Variants in SNTG1 observed in about 807,000 individuals in gnomAD.
SNTG1 encodes syntrophin gamma 1.
In SNTG1, 39 loss-of-function variants were observed where a neutral mutation model predicts 74.7. That is an observed-to-expected ratio of 0.52 (90% CI 0.40 to 0.68). SNTG1 has a LOEUF of 0.68. Ranked by LOEUF, SNTG1 falls within the 30% of genes least tolerant of loss-of-function variation. The pLI is 0.00. For synonymous variants in SNTG1, 254 were observed against 217.1 expected (o/e 1.17, Z -1.49); for missense variants, 685 against 609.5 (o/e 1.12, Z -1.30).
At chr8:49,942,680 T>A (rs775473898) in intron 1 of SNTG1, among the ~76,000 whole-genome samples, 5 of 152,192 alleles carry the variant, frequency 3.3e-5, no homozygotes, top group African/African-American at 4.8e-5. Context: ...AGATATTCTA[T>A]GGGATGTCCC....
At chr8:50,054,617 T>G (rs1350111647) in intron 1 of SNTG1, among the ~76,000 whole-genome samples, 4 of 152,112 alleles carry the variant, frequency 2.6e-5, no homozygotes, top group Non-Finnish European at 5.9e-5. Context: ...GTATACAATT[T>G]TTAACCTGGT....
chr8:50,792,244 AAT>A (rs1479188275), intron 18 of SNTG1, among the ~76,000 whole-genome samples: 1 of 151,846 alleles, frequency 6.6e-6, no homozygotes, highest in Non-Finnish European at 1.5e-5. Flanking sequence ...TCTTATGGCA[AAT>A]ATTAACTCAT....
intron 8 of SNTG1, among the ~76,000 whole-genome samples, chr8:50,500,181 T>C (rs932684938): frequency 6.6e-6 from 1 of 151,818 alleles, no homozygotes; most frequent in African/African-American, 2.4e-5. Flanking sequence ...CTATGACTCA[T>C]ATGATATGCA....
chr8:50,769,389 G>T (rs927716831), intron 18 of SNTG1, among the ~76,000 whole-genome samples: 1 of 151,792 alleles, frequency 6.6e-6, no homozygotes, highest in Non-Finnish European at 1.5e-5. Context: ...TTGAAAATCA[G>T]AATTTTAAAG....
intron 9 of SNTG1, among the ~76,000 whole-genome samples, chr8:50,506,980 T>A (rs558800123): frequency 6.6e-6 from 1 of 152,088 alleles, no homozygotes; most frequent in Non-Finnish European, 1.5e-5. Context: ...TATGTAGAGG[T>A]AATTTCCTTC....
chr8:50,196,322 A>G (rs1458310290), intron 2 of SNTG1, among the ~76,000 whole-genome samples: 2 of 152,196 alleles, frequency 1.3e-5, no homozygotes, highest in Non-Finnish European at 1.5e-5. Flanking sequence ...CTCAGAATTA[A>G]CAAGTACATG....
chr8:49,926,775 A>T (rs919694041), intron 1 of SNTG1, among the ~76,000 whole-genome samples: 5 of 152,162 alleles, frequency 3.3e-5, no homozygotes, highest in Non-Finnish European at 7.4e-5. Flanking sequence ...CTCCTCTGTG[A>T]AAGGCAATGT....
intron 1 of SNTG1, among the ~76,000 whole-genome samples, chr8:50,055,697 C>T (rs1322254188): frequency 6.6e-6 from 1 of 152,060 alleles, no homozygotes; most frequent in Non-Finnish European, 1.5e-5. Context: ...CATCTTTTCT[C>T]AGTACCTCTC....
At chr8:49,933,111 T>C (rs1807744857) in intron 1 of SNTG1, among the ~76,000 whole-genome samples, 1 of 152,198 alleles carries the variant, frequency 6.6e-6, no homozygotes, top group Non-Finnish European at 1.5e-5. Context: ...TGTGAACGTA[T>C]GTTTTCAATT....
At chr8:50,707,482 A>G (rs1404350586) in intron 16 of SNTG1, among the ~76,000 whole-genome samples, 2 of 152,122 alleles carry the variant, frequency 1.3e-5, no homozygotes, top group Non-Finnish European at 2.9e-5. Context: ...ATGTAACTCT[A>G]AAAGAATAAT....
chr8:50,172,834 T>C (rs1332757428), intron 2 of SNTG1, among the ~76,000 whole-genome samples, 199 bp downstream of exon 2: 2 of 152,024 alleles, frequency 1.3e-5, no homozygotes, highest in Non-Finnish European at 2.9e-5. Context: ...AGAACGTATC[T>C]CCATGTTTAG....
intron 4 of SNTG1, among the ~76,000 whole-genome samples, chr8:50,419,535 G>A (rs896888358): frequency 2.6e-5 from 4 of 152,142 alleles, no homozygotes; most frequent in African/African-American, 9.7e-5. Flanking sequence ...CAGTGATAAA[G>A]AAGCCATCGC....
rs1323160777 is a variant in SNTG1, at chr8:50,491,694, C to CTTACTTAT, written c.364-11081_364-11080insCTTATTTA. Among the ~76,000 whole-genome samples the CTTACTTAT allele has an allele frequency of 6.4e-4, 97 of 150,512 alleles. 2 individuals carry two copies. Among genetic ancestry groups the CTTACTTAT allele is most frequent in the Middle Eastern group, 3.4e-3 (1 of 294 alleles). On this transcript the variant is annotated intron_variant, in intron 8 of 18. Coordinates refer to ENST00000642720, the MANE Select transcript of SNTG1 (RefSeq NM_018967.5). ...GCAAATGCTGTGCTGTGATCCAGAA[C>CTTACTTAT]TTATTTATTTATTTATTTATTTATT...
chr8:50,381,558 ATGTGTG>A (rs372674229), intron 2 of SNTG1, among the ~76,000 whole-genome samples: 5,991 of 108,480 alleles, frequency 0.055, 232 homozygotes, highest in Non-Finnish European at 0.083. Context: ...CTAATAGGAT[ATGTGTG>A]TGTGTGTGTG....
At chr8:50,294,374 A>T (rs1390706222) in intron 2 of SNTG1, among the ~76,000 whole-genome samples, 1 of 152,208 alleles carries the variant, frequency 6.6e-6, no homozygotes, top group African/African-American at 2.4e-5. Flanking sequence ...CCTTTTAAAG[A>T]GAAACAGAAC....
Position 50,564,912 on chromosome 8 carries a change from G to A in SNTG1, c.810+11733G>A, listed in dbSNP as rs149850116. The stretch of plus-strand genomic sequence containing the variant: ...ATGTGTATAGCAATCTTCTTCCAGC[G>A]TTAAGAAGGGAAAGTGGAAAATATA... On this transcript the variant is annotated intron_variant, in intron 12 of 18. Transcript: ENST00000642720. 1.2e-3 allele frequency among the ~76,000 whole-genome samples: 181 copies of A among 152,074 alleles called. 1 individual carries two copies. The highest frequency in any genetic ancestry group is 3.4e-3 in the Middle Eastern group (1 of 294).
chr8:50,013,246 A>G (rs543045938), intron 1 of SNTG1, among the ~76,000 whole-genome samples: 27 of 152,244 alleles, frequency 1.8e-4, no homozygotes, highest in African/African-American at 6.5e-4. Context: ...TAAAAAGTTT[A>G]TTAAATGTGT....
intron 12 of SNTG1, among the ~76,000 whole-genome samples, chr8:50,561,719 T>A (rs1269094328): frequency 6.6e-6 from 1 of 152,116 alleles, no homozygotes; most frequent in African/African-American, 2.4e-5. Flanking sequence ...AGTAAAATAA[T>A]AGATTACGGA....
At chr8:50,211,397 T>C (rs1434481745) in intron 2 of SNTG1, among the ~76,000 whole-genome samples, 4 of 152,188 alleles carry the variant, frequency 2.6e-5, no homozygotes, top group Non-Finnish European at 4.4e-5. Context: ...CATATAATTA[T>C]ATTCATTTAA....
Sources: gnomAD v4.1 joint callset for allele counts (sites outside exome capture counted in the v4.1 genomes callset) on GRCh38, gnomAD v4.1.1 for gene constraint, MANE v1.5 for transcripts, NCBI Gene and HGNC (gene_info 2026-07-23, HGNC 2026-07-21) for gene names.